TSHZ2: variants seen among roughly 807,000 people sequenced by gnomAD.
TSHZ2 encodes teashirt zinc finger homeobox 2.
Under a neutral mutation model 74.4 loss-of-function variants are expected in TSHZ2, and 21 were observed. That is an observed-to-expected ratio of 0.28 (90% confidence interval 0.20 to 0.41). The LOEUF (loss-of-function observed/expected upper bound fraction) is 0.41. Ranked by LOEUF, TSHZ2 falls within the 10% of genes least tolerant of loss-of-function variation. TSHZ2 has a pLI of 1.00. For synonymous variants in TSHZ2, 540 were observed against 515.3 expected, an observed-to-expected ratio of 1.05 and a Z score of -0.65; for missense variants, 1,244 against 1,293.5, an observed-to-expected ratio of 0.96 and a Z score of 0.59.
At chr20:53,362,968 G>T (rs1981122905) in intron 2 of TSHZ2, among the ~76,000 whole-genome samples, 1 of 152,196 alleles carries the variant, frequency 6.6e-6, no homozygotes, top group South Asian at 2.1e-4. Context: ...TTGGCCTCAG[G>T]ACGTTTTCCT....
At chr20:53,058,078 A>T (rs1600669434) in intron 1 of TSHZ2, among the ~76,000 whole-genome samples, 1 of 152,226 alleles carries the variant, frequency 6.6e-6, no homozygotes, top group South Asian at 2.1e-4. Flanking sequence ...GGATCGCACA[A>T]CGTAGATCCC....
chr20:53,421,636 A>G, intron 2 of TSHZ2: 1 of 186,198 alleles, frequency 5.4e-6, no homozygotes, highest in Non-Finnish European at 1.1e-5. Flanking sequence ...GAAGATTGCC[A>G]TTGCCGACTG....
intron 2 of TSHZ2, among the ~76,000 whole-genome samples, chr20:53,458,688 T>C (rs1044084543): frequency 6.9e-4 from 105 of 152,182 alleles, no homozygotes; most frequent in Admixed American, 3.5e-3. Context: ...CTGCTTTCTC[T>C]TGTGAGCATT....
chr20:53,330,046 A>G (rs1207678552), intron 2 of TSHZ2, among the ~76,000 whole-genome samples: 1 of 152,234 alleles, frequency 6.6e-6, no homozygotes, highest in East Asian at 1.9e-4. Context: ...TCACGATACA[A>G]TGGCAGAGTT....
intron 1 of TSHZ2, among the ~76,000 whole-genome samples, chr20:52,975,096 C>T (rs1981279174): frequency 6.6e-6 from 1 of 152,080 alleles, no homozygotes; most frequent in Non-Finnish European, 1.5e-5. Flanking sequence ...GTTCAATGGC[C>T]TTTGAGACCC....
intron 2 of TSHZ2, among the ~76,000 whole-genome samples, chr20:53,443,691 G>C (rs1984430823): frequency 6.6e-6 from 1 of 152,208 alleles, no homozygotes; most frequent in Non-Finnish European, 1.5e-5. Flanking sequence ...GGGCTTGGCA[G>C]TCACACCCAA....
At chr20:53,376,366 C>A (rs914211698) in intron 2 of TSHZ2, among the ~76,000 whole-genome samples, 3 of 152,172 alleles carry the variant, frequency 2.0e-5, no homozygotes, top group African/African-American at 7.2e-5. Flanking sequence ...TGATGTTAAA[C>A]CAAGCTGGAG....
At position 53,001,207 on chromosome 20, in the gene TSHZ2, T is replaced by C. The variant is rs568351609; in HGVS notation, c.40+27874T>C. On this transcript the variant is annotated intron_variant, in intron 1 of 2. Coordinates refer to ENST00000371497, the MANE Select transcript of TSHZ2 (RefSeq NM_173485.6). ...AATGTTGTGTGTGCGTTCATGTGCG[T>C]GTGTGTGTGTGTGTGTGTGTGTGTG... Among the ~76,000 whole-genome samples, 301 of 54,574 alleles carry C rather than the reference T, an allele frequency of 5.5e-3. 2 individuals carry two copies. The highest frequency in any genetic ancestry group is 0.022 in the African/African-American group (274 of 12,696). 35.8% of individuals were successfully genotyped at this position (54,574 alleles called of 152,430 possible).
chr20:52,986,441 A>G (rs1321618819), intron 1 of TSHZ2, among the ~76,000 whole-genome samples: 1 of 148,782 alleles, frequency 6.7e-6, no homozygotes, highest in African/African-American at 2.5e-5. Flanking sequence ...TGAAATAATA[A>G]TCTCAGGGCA....
At chr20:53,268,440 A>G (rs1161415310) in intron 2 of TSHZ2, among the ~76,000 whole-genome samples, 1 of 152,210 alleles carries the variant, frequency 6.6e-6, no homozygotes, top group African/African-American at 2.4e-5. Context: ...GAACTCAAGC[A>G]GGAGGAGAAA....
chr20:53,420,570 C>CA (rs1983432733), intron 2 of TSHZ2, among the ~76,000 whole-genome samples: 2 of 152,002 alleles, frequency 1.3e-5, no homozygotes, highest in South Asian at 4.1e-4. Flanking sequence ...ACTAAAAATA[C>CA]AAAAAATTAG....
intron 1 of TSHZ2, among the ~76,000 whole-genome samples, chr20:53,135,035 C>CACACACA (rs34209903): frequency 1.3e-5 from 2 of 149,884 alleles, no homozygotes; most frequent in Non-Finnish European, 2.9e-5. Flanking sequence ...CACACACACA[C>CACACACA]AAGGGTTGTG....
chr20:53,244,460 G>A (rs1369448964), intron 1 of TSHZ2, among the ~76,000 whole-genome samples: 2 of 152,154 alleles, frequency 1.3e-5, no homozygotes, highest in Non-Finnish European at 2.9e-5. Context: ...CTCTCTGGGT[G>A]TAAGGATAAT....
intron 2 of TSHZ2, among the ~76,000 whole-genome samples, chr20:53,415,072 C>T (rs1363271665): frequency 2.0e-5 from 3 of 152,094 alleles, no homozygotes; most frequent in African/African-American, 2.4e-5. Flanking sequence ...AAGGTGGCAG[C>T]GAATCAAGAT....
intron 2 of TSHZ2, among the ~76,000 whole-genome samples, chr20:53,475,873 A>G (rs1985977922): frequency 7.6e-6 from 1 of 132,036 alleles, no homozygotes; most frequent in African/African-American, 3.1e-5. Flanking sequence ...AGAGAATACT[A>G]CAAACACCTC....
chr20:53,087,252 C>A (rs934224180), intron 1 of TSHZ2, among the ~76,000 whole-genome samples: 3 of 152,180 alleles, frequency 2.0e-5, no homozygotes, highest in Non-Finnish European at 4.4e-5. Context: ...GTAGTTACTC[C>A]AAGGGATATT....
intron 1 of TSHZ2, among the ~76,000 whole-genome samples, chr20:53,075,031 G>T (rs929550328): frequency 6.6e-6 from 1 of 152,148 alleles, no homozygotes; most frequent in Non-Finnish European, 1.5e-5. Context: ...GTCACATTTT[G>T]AAATTTCATG....
In TSHZ2 at chr20:53,254,142, C is replaced by T. The variant is rs758068227; in HGVS notation, c.684C>T (p.Val228=). ...GCAGCGCGGCCTATGACACCCTAGT[C>T]GAGCTGACTGTGCACATGAATGAAA... ...RQCSAAYDTL[V]ELTVHMNETG... Residue 228 remains valine (V), a synonymous_variant, in exon 2 of 3, where the codon GTC becomes GTT. Coordinates refer to ENST00000371497, the MANE Select transcript of TSHZ2 (RefSeq NM_173485.6). The T allele has an allele frequency of 1.8e-5, 29 of 1,614,080 alleles. No individual in the cohort carries two copies. Among genetic ancestry groups the T allele is most frequent in the Middle Eastern group, 3.3e-4 (2 of 6,062 alleles).
At chr20:53,059,831 T>G in intron 1 of TSHZ2, among the ~76,000 whole-genome samples, 1 of 152,228 alleles carries the variant, frequency 6.6e-6, no homozygotes, top group Admixed American at 6.5e-5. Flanking sequence ...TTTGCCAGAA[T>G]TTAACACTAA....
Sources: allele counts gnomAD v4.1 joint callset (sites outside exome capture counted in the v4.1 genomes callset), GRCh38; gene constraint gnomAD v4.1.1; transcripts MANE v1.5; gene names NCBI Gene and HGNC (gene_info 2026-07-23, HGNC 2026-07-21).